The following MAPK10 variants were observed in gnomAD, a reference collection of about 807,000 sequenced individuals.
MAPK10 encodes JNK3 alpha protein kinase.
In MAPK10, 25 loss-of-function variants were observed where a neutral mutation model predicts 59.3. The ratio of observed to expected loss-of-function variants is 0.42; its 90% CI spans 0.31 to 0.59. The LOEUF is 0.59. MAPK10 is among the 20% of genes least tolerant of loss of function. MAPK10 has a pLI of 0.15. For missense variants in MAPK10, 351 were observed against 568.9 expected (o/e 0.62, Z 3.90); for synonymous variants, 190 against 200.5 (o/e 0.95, Z 0.44).
intron 1 of MAPK10, among the ~76,000 whole-genome samples, chr4:86,519,362 T>C (rs1756940649): frequency 6.6e-6 from 1 of 152,244 alleles, no homozygotes; most frequent in African/African-American, 2.4e-5. Context: ...TTTATCATTA[T>C]ATAATGTCCC....
intron 2 of MAPK10, among the ~76,000 whole-genome samples, chr4:86,293,189 A>G (rs2095273382): frequency 6.6e-6 from 1 of 152,236 alleles, no homozygotes; most frequent in Non-Finnish European, 1.5e-5. Flanking sequence ...ATGTTCCAAA[A>G]TGTCCCCTAG....
intron 1 of MAPK10, among the ~76,000 whole-genome samples, chr4:86,380,579 C>A (rs1740549025): frequency 6.6e-6 from 1 of 152,138 alleles, no homozygotes; most frequent in African/African-American, 2.4e-5. Flanking sequence ...ATTCATCTAG[C>A]CTACTTGTTT....
Position 86,010,436 on chromosome 4 carries a change from T to C in MAPK10, c.*6792A>G, listed in dbSNP as rs777436022. 5 of 152,232 alleles carry C rather than the reference T, an allele frequency of 3.3e-5. No homozygotes were observed. The South Asian group carries it at 1.0e-3, about 32-fold the overall frequency. 9.4% of individuals were successfully genotyped at this position (152,232 alleles called of 1,614,324 possible). ...TAAACAAAGATTTATTAACTCTGAA[T>C]TTTTTAGGTTAAGGACCATGCAATA... On this transcript the variant is annotated 3_prime_UTR_variant, in exon 14 of 14. Transcript: ENST00000641462.
chr4:86,447,168 T>G (rs1434604878), intron 1 of MAPK10, among the ~76,000 whole-genome samples: 1 of 152,126 alleles, frequency 6.6e-6, no homozygotes, highest in African/African-American at 2.4e-5. Flanking sequence ...GGGAGGTAAT[T>G]GGATCATGGG....
chr4:86,342,184 C>G (rs563677998), intron 2 of MAPK10, among the ~76,000 whole-genome samples: 6 of 152,084 alleles, frequency 3.9e-5, no homozygotes, highest in African/African-American at 1.2e-4. Context: ...TCCCTGATAG[C>G]GATGGAATAC....
Position 86,067,779 on chromosome 4 carries a change from G to A in MAPK10, c.979C>T (p.Leu327Phe). ...LFPADSEHNK[L>F]KASQARDLLS... ...TCATTCCTGAAGGGCATACCTTTGA[G>A]TTTATTGTGCTCGGAGTCCGCTGGG... is the stretch of plus-strand genomic sequence containing the variant. Residue 327 changes from leucine (L) to phenylalanine (F), a missense_variant, in exon 10 of 14, where the codon CTC becomes TTC. Around this residue, in one of 5 missense-constraint regions of MAPK10, gnomAD observed 155 missense variants for 204.2 expected, o/e 0.76. Transcript: ENST00000641462. 5.0e-6 allele frequency: 8 copies of A among 1,610,504 alleles called. No individual in the cohort carries two copies. The highest frequency in any genetic ancestry group is 6.8e-6 in the Non-Finnish European group (8 of 1,178,138).
At chr4:86,095,558 T>A (rs1419020764) in intron 9 of MAPK10, 1 of 151,864 alleles carries the variant, frequency 6.6e-6, no homozygotes, top group Admixed American at 6.6e-5. Context: ...AGCATATACT[T>A]AGCTTTGATA....
chr4:86,494,203 T>A (rs932289634), intron 1 of MAPK10, among the ~76,000 whole-genome samples: 8 of 152,204 alleles, frequency 5.3e-5, no homozygotes, highest in East Asian at 1.9e-4. Flanking sequence ...AACAAGAGGA[T>A]GCAGCGAGGT....
In MAPK10 at chr4:86,549,065, A is replaced by T. The variant is rs78407929; in HGVS notation, c.-263+44845T>A. Among the ~76,000 whole-genome samples, 173 of 152,304 alleles carry T rather than the reference A, an allele frequency of 1.1e-3. 3 individuals carry two copies. In the East Asian group the frequency reaches 0.033, roughly 29 times the overall value. ...AATATTAATGCAGTATTTTAATTTTAAAAAGCCAGTAAAAATATTTAATAT... is the reference window on the plus strand; with the variant it reads ...AATATTAATGCAGTATTTTAATTTTTAAAAGCCAGTAAAAATATTTAATAT... On this transcript the variant is annotated intron_variant, in intron 1 of 4. Coordinates refer to the MAPK10 transcript ENST00000502302.
At chr4:86,454,358 C>A (rs1751051258), upstream of MAPK10, among the ~76,000 whole-genome samples, 2 of 151,996 alleles carry the variant, frequency 1.3e-5, no homozygotes, top group African/African-American at 4.8e-5. Flanking sequence ...GTAAGGAAAT[C>A]AAAAATATGA....
At chr4:86,354,699 T>G (rs1457912051) in intron 1 of MAPK10, 55 bp from the exon 2 acceptor site, 3 of 733,922 alleles carry the variant, frequency 4.1e-6, no homozygotes, top group Admixed American at 4.3e-5. Context: ...AAATTTGTAT[T>G]TAGAAAACCA....
At chr4:86,196,518 G>T (rs1249580724) in intron 2 of MAPK10, among the ~76,000 whole-genome samples, 3 of 152,138 alleles carry the variant, frequency 2.0e-5, no homozygotes, top group African/African-American at 7.2e-5. Flanking sequence ...TAGGTTGCCT[G>T]TTCACTCTGA....
intron 3 of MAPK10, among the ~76,000 whole-genome samples, chr4:86,171,950 G>A (rs1216435534): frequency 6.6e-6 from 1 of 150,444 alleles, no homozygotes; most frequent in Non-Finnish European, 1.5e-5. Context: ...AGACATTTAT[G>A]CAGCCAAAAG....
At chr4:86,464,472 C>T (rs1231293562) in intron 1 of MAPK10, among the ~76,000 whole-genome samples, 1 of 152,240 alleles carries the variant, frequency 6.6e-6, no homozygotes, top group Non-Finnish European at 1.5e-5. Context: ...TGATTTCATA[C>T]AGATGAACAA....
intron 11 of MAPK10, among the ~76,000 whole-genome samples, chr4:86,060,661 C>T (rs1487245050): frequency 1.3e-5 from 2 of 152,144 alleles, no homozygotes; most frequent in African/African-American, 4.8e-5. Context: ...AAACTGAGTT[C>T]CCCCCAAAAT....
chr4:86,322,792 C>T (rs950129340), intron 2 of MAPK10, among the ~76,000 whole-genome samples: 1 of 152,148 alleles, frequency 6.6e-6, no homozygotes, highest in East Asian at 1.9e-4. Context: ...GGCTTATATG[C>T]TCATCGAAGT....
intron 1 of MAPK10, among the ~76,000 whole-genome samples, chr4:86,439,743 T>C (rs556330191): frequency 1.1e-3 from 160 of 152,348 alleles, no homozygotes; most frequent in African/African-American, 3.6e-3. Context: ...TTACATATTC[T>C]TATTATTACT....
intron 1 of MAPK10, among the ~76,000 whole-genome samples, chr4:86,579,230 C>T (rs1691426728): frequency 6.6e-6 from 1 of 152,174 alleles, no homozygotes; most frequent in Admixed American, 6.5e-5. Context: ...CAGAAGCCAT[C>T]TACAAGAAAC....
At chr4:86,155,573 CTA>C (rs1174518197) in intron 4 of MAPK10, among the ~76,000 whole-genome samples, 6 of 151,900 alleles carry the variant, frequency 3.9e-5, no homozygotes, top group African/African-American at 1.4e-4. Context: ...TCTATATATA[CTA>C]TGTTTTTTCC....
Sources: allele counts gnomAD v4.1 joint callset (sites outside exome capture counted in the v4.1 genomes callset), GRCh38; gene constraint gnomAD v4.1.1; regional missense constraint gnomAD v4.1.1; transcripts MANE v1.5; gene names NCBI Gene and HGNC (gene_info 2026-07-23, HGNC 2026-07-21).